Variants in C10orf67 observed in about 807,000 individuals in gnomAD.
C10orf67 encodes uncharacterized protein C10orf67, mitochondrial.
A neutral mutation model predicts 35.6 loss-of-function variants in C10orf67; 60 were observed. That is an observed-to-expected ratio of 1.68 (90% CI 1.37 to 2.09). The LOEUF is 2.09. Among genes scored for constraint, C10orf67 ranks in the 30% most tolerant of loss-of-function variants. The pLI, the probability that C10orf67 is intolerant of heterozygous loss-of-function variation, is 0.00. For synonymous variants in C10orf67, 167 were observed against 115.8 expected, an observed-to-expected ratio of 1.44 and a Z score of -2.84; for missense variants, 474 against 330.2, an observed-to-expected ratio of 1.44 and a Z score of -3.38.
At chr10:23,240,263 T>C (rs113308017) in intron 12 of C10orf67, among the ~76,000 whole-genome samples, 7 of 152,246 alleles carry the variant, frequency 4.6e-5, no homozygotes, top group African/African-American at 1.4e-4. Context: ...AGAAAAGGCA[T>C]AGAAGTAATG....
intron 12 of C10orf67, among the ~76,000 whole-genome samples, chr10:23,242,506 C>T (rs1564468469): frequency 6.6e-6 from 1 of 151,848 alleles, no homozygotes; most frequent in African/African-American, 2.4e-5. Flanking sequence ...AAATGAGAAG[C>T]CCAACAAACA....
chr10:23,237,068 T>C (rs999041828), intron 13 of C10orf67, among the ~76,000 whole-genome samples: 5 of 152,100 alleles, frequency 3.3e-5, no homozygotes, highest in Non-Finnish European at 7.4e-5. Flanking sequence ...TAGGCCCCCA[T>C]GTCTGTTCCT....
chr10:23,237,732 A>T (rs1842084933), intron 13 of C10orf67, among the ~76,000 whole-genome samples: 1 of 152,192 alleles, frequency 6.6e-6, no homozygotes, highest in Non-Finnish European at 1.5e-5. Flanking sequence ...AACAGGCAAA[A>T]CTAATCTGTA....
intron 10 of C10orf67, among the ~76,000 whole-genome samples, chr10:23,263,915 G>A (rs1842818713): frequency 2.0e-5 from 3 of 152,228 alleles, no homozygotes; most frequent in African/African-American, 2.4e-5. Context: ...TGTTCATATC[G>A]TATTTTTCAG....
chr10:23,207,381 G>A (rs1190388046), intron 15 of C10orf67, among the ~76,000 whole-genome samples: 1 of 152,112 alleles, frequency 6.6e-6, no homozygotes, highest in East Asian at 1.9e-4. Context: ...TTAGAATGAC[G>A]CTGTACAAAA....
At chr10:23,333,035 G>A in intron 2 of C10orf67, 27 bp downstream of exon 2, 1 of 1,601,260 alleles carries the variant, frequency 6.2e-7, no homozygotes, top group Non-Finnish European at 8.5e-7. Context: ...AATTATCTCA[G>A]AAGTTTCAGA....
At chr10:23,254,111 G>A (rs899742933) in intron 10 of C10orf67, among the ~76,000 whole-genome samples, 5 of 152,126 alleles carry the variant, frequency 3.3e-5, no homozygotes, top group African/African-American at 1.2e-4. Context: ...GTGAAAATGA[G>A]TGTTAATATT....
intron 1 of C10orf67, among the ~76,000 whole-genome samples, chr10:23,334,501 C>A (rs543628651): frequency 6.6e-6 from 1 of 152,234 alleles, no homozygotes; most frequent in Non-Finnish European, 1.5e-5. Context: ...CGAGAGCATA[C>A]CCCCATGCGG....
At chr10:23,332,994 T>C in intron 2 of C10orf67, 68 bp downstream of exon 2, 1 of 1,473,058 alleles carries the variant, frequency 6.8e-7, no homozygotes, top group African/African-American at 1.4e-5. Context: ...CTTTTGTCTA[T>C]GAAAGAAACA....
Position 23,204,003 on chromosome 10 carries a change from T to G in C10orf67, c.*170A>C. 9.7e-5 allele frequency: 37 copies of G among 381,096 alleles called. No homozygotes were observed. Among genetic ancestry groups the G allele is most frequent in the East Asian group, 3.0e-4 (8 of 26,584 alleles). The allele number at this position is 381,096 out of a possible 1,614,324, so 23.6% of individuals were successfully genotyped here. ...AAAGGAGCGCGCACAAGGCGCGCATTGAGGTCTATTCGAGCGCAGTGCTGG... is the reference window on the plus strand; with the variant it reads ...AAAGGAGCGCGCACAAGGCGCGCATGGAGGTCTATTCGAGCGCAGTGCTGG... On this transcript the variant is annotated 3_prime_UTR_variant, in exon 16 of 16. Transcript: ENST00000636213.
chr10:23,342,218 C>CCA (rs111662364), intron 1 of C10orf67, among the ~76,000 whole-genome samples: 54,525 of 149,572 alleles, frequency 0.36, 9,882 homozygotes, highest in Admixed American at 0.41. Flanking sequence ...TCCCCACTTG[C>CCA]CACACACACA....
chr10:23,318,974 A>G, intron 4 of C10orf67: 2 of 747,904 alleles, frequency 2.7e-6, no homozygotes, highest in South Asian at 2.9e-5. Context: ...AAGAAAAAGA[A>G]AGGGTCTTCC....
At chr10:23,310,959 G>C (rs144387818) in intron 4 of C10orf67, among the ~76,000 whole-genome samples, 369 of 152,178 alleles carry the variant, frequency 2.4e-3, no homozygotes, top group Non-Finnish European at 4.0e-3. Flanking sequence ...AGAACATCCT[G>C]CTGGCATCTA....
At chr10:23,252,127 T>C (rs1842470444) in intron 10 of C10orf67, among the ~76,000 whole-genome samples, 1 of 152,228 alleles carries the variant, frequency 6.6e-6, no homozygotes, top group South Asian at 2.1e-4. Context: ...TTGGATCTGT[T>C]CTCCATATTT....
intron 4 of C10orf67, 54 bp from the exon 5 acceptor site, chr10:23,303,513 G>A: frequency 1.1e-5 from 5 of 437,768 alleles, no homozygotes; most frequent in Non-Finnish European, 8.3e-6. Context: ...TTAAAAATTA[G>A]GCACTTACAC....
intron 2 of C10orf67, among the ~76,000 whole-genome samples, chr10:23,326,100 A>C (rs964469991): frequency 5.3e-5 from 8 of 152,096 alleles, no homozygotes; most frequent in African/African-American, 1.9e-4. Flanking sequence ...AGGATAGAAA[A>C]AGTGGGGTGG....
intron 13 of C10orf67, among the ~76,000 whole-genome samples, chr10:23,227,505 G>T (rs1206451731): frequency 1.3e-5 from 2 of 152,152 alleles, no homozygotes; most frequent in Non-Finnish European, 2.9e-5. Flanking sequence ...AAAACTGGAA[G>T]CAGTCCCTTT....
chr10:23,244,868 C>A (rs1258550605), intron 12 of C10orf67, among the ~76,000 whole-genome samples: 1 of 152,068 alleles, frequency 6.6e-6, no homozygotes, highest in African/African-American at 2.4e-5. Context: ...TTTATGGAAA[C>A]ATAGAAGACC....
intron 10 of C10orf67, among the ~76,000 whole-genome samples, chr10:23,252,480 G>A (rs765110883): frequency 5.9e-5 from 9 of 152,070 alleles, no homozygotes; most frequent in Non-Finnish European, 8.8e-5. Context: ...TGTTCACTCC[G>A]TAAATATTTG....
Sources: gnomAD v4.1 joint callset for allele counts (sites outside exome capture counted in the v4.1 genomes callset) on GRCh38, gnomAD v4.1.1 for gene constraint, MANE v1.5 for transcripts, NCBI Gene and HGNC (gene_info 2026-07-23, HGNC 2026-07-21) for gene names.